TTC6: variants seen among roughly 807,000 people sequenced by gnomAD.
The protein encoded by TTC6 is tetratricopeptide repeat domain 6.
TTC6 carries 172 observed loss-of-function variants against 210.4 expected under a neutral mutation model. The ratio of observed to expected loss-of-function variants is 0.82; its 90% CI spans 0.72 to 0.93. The LOEUF is 0.93. Ranked by LOEUF, TTC6 falls within the 40% of genes least tolerant of loss-of-function variation. The pLI is 0.00. For synonymous variants in TTC6, 804 were observed against 819.6 expected, an observed-to-expected ratio of 0.98 and a Z score of 0.32; for missense variants, 2,414 against 2,318.1, an observed-to-expected ratio of 1.04 and a Z score of -0.85.
chr14:37,605,050 A>C (rs2095622610), intron 1 of TTC6, among the ~76,000 whole-genome samples: 2 of 152,214 alleles, frequency 1.3e-5, no homozygotes, highest in Non-Finnish European at 2.9e-5. Flanking sequence ...TAAAGACTTA[A>C]ATGTTACCTT....
intron 3 of TTC6, among the ~76,000 whole-genome samples, chr14:37,695,824 A>G (rs774175463): frequency 1.3e-5 from 2 of 152,042 alleles, no homozygotes; most frequent in African/African-American, 2.4e-5. Context: ...GAATATATAT[A>G]CCTTCTATGT....
exon 10 of TTC6, chr14:37,739,104 A>T (rs1377238539): frequency 6.5e-7 from 1 of 1,528,030 alleles, no homozygotes; most frequent in Non-Finnish European, 8.7e-7. Flanking sequence ...AAACAACAAA[A>T]ACTTATATTC....
intron 14 of TTC6, among the ~76,000 whole-genome samples, chr14:37,771,651 C>T (rs1182552929): frequency 1.3e-5 from 2 of 152,148 alleles, no homozygotes; most frequent in Non-Finnish European, 2.9e-5. Flanking sequence ...GTTTTCAGCT[C>T]CATCAGCTCC....
chr14:37,614,766 A>AG (rs2095640009), intron 2 of TTC6, among the ~76,000 whole-genome samples: 1 of 152,122 alleles, frequency 6.6e-6, no homozygotes, highest in Admixed American at 6.5e-5. Context: ...TTATTTATTG[A>AG]GACAGAGTCT....
intron 10 of TTC6, among the ~76,000 whole-genome samples, 197 bp downstream of exon 12, chr14:37,739,352 G>A (rs937684443): frequency 1.3e-5 from 2 of 151,504 alleles, no homozygotes; most frequent in African/African-American, 2.4e-5. Context: ...AGAGGCGGGC[G>A]GATCAACTGA....
chr14:37,832,327 CTCTTTTTTTTT>C (rs1319566356), intron 29 of TTC6, among the ~76,000 whole-genome samples: 3,094 of 63,228 alleles, frequency 0.049, 103 homozygotes, highest in African/African-American at 0.14. Flanking sequence ...TTTTCTTTCT[CTCTTTTTTTTT>C]TTTTTTTTTT....
intron 14 of TTC6, among the ~76,000 whole-genome samples, chr14:37,769,677 T>C (rs972577235): frequency 6.6e-6 from 1 of 150,592 alleles, no homozygotes; most frequent in Non-Finnish European, 1.5e-5. Flanking sequence ...ATTGCATCTA[T>C]TTGATTCTTC....
intron 28 of TTC6, among the ~76,000 whole-genome samples, chr14:37,826,845 A>T (rs1444503806): frequency 6.6e-6 from 1 of 152,140 alleles, no homozygotes; most frequent in African/African-American, 2.4e-5. Context: ...GAACTGAAAG[A>T]TAATTGCTAC....
chr14:37,666,446 C>A (rs78710429), intron 1 of TTC6, among the ~76,000 whole-genome samples: 134 of 122,010 alleles, frequency 1.1e-3, no homozygotes, highest in African/African-American at 1.2e-3. Flanking sequence ...GGCCCTGTCT[C>A]AAAAAAAAAA....
chr14:37,691,636 C>T (rs758494075), intron 3 of TTC6, among the ~76,000 whole-genome samples: 3 of 151,744 alleles, frequency 2.0e-5, no homozygotes, highest in Non-Finnish European at 1.5e-5. Flanking sequence ...TCTTAAAGAA[C>T]TAGAAAAGAA....
chr14:37,799,162 A>G (rs145515633), intron 20 of TTC6, among the ~76,000 whole-genome samples: 27 of 152,158 alleles, frequency 1.8e-4, no homozygotes, highest in Non-Finnish European at 7.4e-5. Context: ...TATCTAGTAC[A>G]TGGCACACAT....
chr14:37,816,364 G>C (rs999215092), intron 25 of TTC6, among the ~76,000 whole-genome samples: 3 of 152,092 alleles, frequency 2.0e-5, no homozygotes, highest in Non-Finnish European at 4.4e-5. Context: ...TTTGTGGAAG[G>C]GAGGAGGAGT....
intron 10 of TTC6, among the ~76,000 whole-genome samples, chr14:37,740,206 C>G (rs1033544721): frequency 4.6e-5 from 7 of 151,356 alleles, no homozygotes; most frequent in Admixed American, 6.6e-5. Flanking sequence ...ATTGTAAGCT[C>G]TTATTTAGGA....
chr14:37,748,456 T>C (rs1248988218), intron 10 of TTC6, among the ~76,000 whole-genome samples: 2 of 152,148 alleles, frequency 1.3e-5, no homozygotes, highest in Non-Finnish European at 2.9e-5. Context: ...GAAAGCATAT[T>C]AGGTATTATT....
chr14:37,692,229 A>AAG, intron 3 of TTC6, among the ~76,000 whole-genome samples: 1 of 148,098 alleles, frequency 6.8e-6, no homozygotes, highest in African/African-American at 2.5e-5. Context: ...AAAAAAAAAA[A>AAG]AAAGAAAAAA....
At chr14:37,703,220 C>G (rs563153484) in intron 5 of TTC6, among the ~76,000 whole-genome samples, 11 of 152,126 alleles carry the variant, frequency 7.2e-5, no homozygotes, top group Admixed American at 1.3e-4. Context: ...TATAATTATT[C>G]ACGCAAAGTG....
intron 5 of TTC6, among the ~76,000 whole-genome samples, chr14:37,710,691 C>T (rs2095843221): frequency 6.6e-6 from 1 of 152,142 alleles, no homozygotes; most frequent in Non-Finnish European, 1.5e-5. Context: ...AAACATAGCA[C>T]AGTGAGGGGC....
chr14:37,722,397 C>T (rs967682696), intron 6 of TTC6, among the ~76,000 whole-genome samples: 4 of 152,166 alleles, frequency 2.6e-5, no homozygotes, highest in African/African-American at 9.7e-5. Flanking sequence ...AATAAATTCT[C>T]TCCTGAAGGT....
intron 17 of TTC6, among the ~76,000 whole-genome samples, chr14:37,792,797 T>A (rs2096083376): frequency 6.6e-6 from 1 of 151,486 alleles, no homozygotes; most frequent in Non-Finnish European, 1.5e-5. Flanking sequence ...TGTGTGTGTG[T>A]GTGTGTGTGT....
Sources: allele counts gnomAD v4.1 joint callset (sites outside exome capture counted in the v4.1 genomes callset), GRCh38; gene constraint gnomAD v4.1.1; transcripts MANE v1.5; gene names NCBI Gene and HGNC (gene_info 2026-07-23, HGNC 2026-07-21).